UGT1A8: variants seen among roughly 807,000 people sequenced by gnomAD.
UGT1A8 encodes UDP glucuronosyltransferase family 1 member A8.
UGT1A8 carries 39 observed loss-of-function variants against 45.3 expected under a neutral mutation model. That is an observed-to-expected ratio of 0.86 (90% CI 0.67 to 1.12). UGT1A8 has a LOEUF of 1.12. Among genes scored for constraint, UGT1A8 ranks in the 50% most tolerant of loss-of-function variants. The probability of loss-of-function intolerance (pLI) is 0.00; values close to 1 mark genes in which losing one functional copy is unlikely to be tolerated. For synonymous variants in UGT1A8, 275 were observed against 249.2 expected (o/e 1.10, Z -0.97); for missense variants, 719 against 664.9 (o/e 1.08, Z -0.90).
intron 1 of UGT1A8, among the ~76,000 whole-genome samples, chr2:233,621,111 A>T (rs896375831): frequency 2.0e-5 from 3 of 152,198 alleles, no homozygotes; most frequent in Non-Finnish European, 2.9e-5. Flanking sequence ...ACTTTAACAA[A>T]GATGGCAGAT....
At chr2:233,648,370 G>A in intron 1 of UGT1A8, 1 of 378,806 alleles carries the variant, frequency 2.6e-6, no homozygotes, top group South Asian at 3.0e-5. Flanking sequence ...CCTTGAAGAA[G>A]GTGCACAGTG....
intron 1 of UGT1A8, among the ~76,000 whole-genome samples, chr2:233,702,018 GAC>G (rs2075665639): frequency 6.6e-6 from 1 of 151,686 alleles, no homozygotes. Context: ...AGGAAATAGA[GAC>G]ACAAAAAAAA....
intron 1 of UGT1A8, among the ~76,000 whole-genome samples, chr2:233,625,116 A>C (rs1415302996): frequency 1.3e-5 from 2 of 152,260 alleles, no homozygotes; most frequent in Admixed American, 6.6e-5. Context: ...TATTAGTATT[A>C]TATCCTGTAT....
In UGT1A8 at chr2:233,744,132, C is replaced by G. The variant is rs576185082; in HGVS notation, c.856-22902C>G. The G allele has an allele frequency of 6.1e-4, 215 of 354,750 alleles. 4 individuals are homozygous for G. The highest frequency in any genetic ancestry group is 4.3e-3 in the African/African-American group (200 of 46,340). 22.0% of individuals were successfully genotyped at this position (354,750 alleles called of 1,614,324 possible). A position where few individuals can be genotyped will look rare whatever the true frequency, so the allele number is the denominator to read the frequency against. On this transcript the variant is annotated intron_variant, in intron 1 of 4. Transcript: ENST00000373450. ...CTGCTCTCTGTGAGGCTCTGTGAGGCCCTGTGATGCTCCAAGACCAGGCCC... is the reference window on the plus strand; with the variant it reads ...CTGCTCTCTGTGAGGCTCTGTGAGGGCCTGTGATGCTCCAAGACCAGGCCC...
At chr2:233,706,910 C>G (rs1427558668) in intron 1 of UGT1A8, among the ~76,000 whole-genome samples, 1 of 152,188 alleles carries the variant, frequency 6.6e-6, no homozygotes. Flanking sequence ...ACAATCCTAG[C>G]TGCCAGAGTA....
chr2:233,682,125 G>A, intron 1 of UGT1A8: 1 of 1,614,208 alleles, frequency 6.2e-7, no homozygotes, highest in East Asian at 2.2e-5. Context: ...CCAGAGGTGA[G>A]TTGGCAACTG....
intron 1 of UGT1A8, among the ~76,000 whole-genome samples, chr2:233,745,719 G>A (rs946550839): frequency 2.7e-5 from 4 of 150,636 alleles, no homozygotes; most frequent in African/African-American, 5.0e-5. Flanking sequence ...CAGAATGGCT[G>A]GAGGGTAAGA....
intron 1 of UGT1A8, among the ~76,000 whole-genome samples, chr2:233,687,916 TAAATC>T (rs1183373351): frequency 6.6e-6 from 1 of 152,136 alleles, no homozygotes; most frequent in African/African-American, 2.4e-5. Flanking sequence ...TCAAAATAAA[TAAATC>T]AATAAATACA....
At chr2:233,754,798 C>G (rs781516183) in intron 1 of UGT1A8, 1 of 1,247,746 alleles carries the variant, frequency 8.0e-7, no homozygotes, top group East Asian at 5.0e-5. Context: ...AATCCTGTAT[C>G]AAAAGAAGAA....
intron 1 of UGT1A8, among the ~76,000 whole-genome samples, chr2:233,746,724 T>G (rs1380174241): frequency 1.3e-5 from 2 of 151,818 alleles, no homozygotes; most frequent in Non-Finnish European, 2.9e-5. Flanking sequence ...GAATTAGCAA[T>G]GGATTCTGCT....
At chr2:233,680,822 A>G (rs1407196023) in intron 1 of UGT1A8, among the ~76,000 whole-genome samples, 2 of 152,166 alleles carry the variant, frequency 1.3e-5, no homozygotes, top group Non-Finnish European at 2.9e-5. Context: ...TCTGTTCAGA[A>G]TGCAGAAGCA....
intron 1 of UGT1A8, among the ~76,000 whole-genome samples, chr2:233,664,622 G>C (rs1330343143): frequency 2.0e-5 from 3 of 152,152 alleles, no homozygotes; most frequent in Non-Finnish European, 2.9e-5. Context: ...AGAGTTGGTG[G>C]GGGAGGTCCA....
At chr2:233,626,958 C>T (rs1216470319) in intron 1 of UGT1A8, among the ~76,000 whole-genome samples, 1 of 152,034 alleles carries the variant, frequency 6.6e-6, no homozygotes, top group Non-Finnish European at 1.5e-5. Flanking sequence ...TTCTTGTTGT[C>T]TAGGCCTTCT....
intron 1 of UGT1A8, chr2:233,747,421 AAC>A: frequency 1.9e-6 from 3 of 1,607,992 alleles, no homozygotes; most frequent in Non-Finnish European, 2.6e-6. Flanking sequence ...ATGCACATCA[AAC>A]AAGAGAAATT....
rs1699515943 is a variant in UGT1A8 at position 233,767,916 on chromosome 2, T to A, written c.1055T>A (p.Leu352Gln). The A allele has an allele frequency of 6.2e-7, 1 of 1,614,242 alleles. No homozygotes were observed. Among genetic ancestry groups the A allele is most frequent in the Non-Finnish European group, 8.5e-7 (1 of 1,180,052 alleles). The stretch of plus-strand genomic sequence containing the variant: ...AACAACACGATACTTGTTAAGTGGC[T>A]ACCCCAAAACGATCTGCTTGGTATG... ...LANNTILVKW[L>Q]PQNDLLGHPM... The change falls in exon 3 of 5, where the codon CTA becomes CAA. Residue 352 changes from leucine (L) to glutamine (Q), a missense_variant. By Grantham distance (113) the Leu-to-Gln change is moderately radical. Coordinates refer to ENST00000373450, the MANE Select transcript of UGT1A8 (RefSeq NM_019076.5).
In UGT1A8 at chr2:233,698,281, T is replaced by C. The variant is rs77422463; in HGVS notation, c.856-68753T>C. Among the ~76,000 whole-genome samples the C allele has an allele frequency of 8.3e-4, 127 of 152,242 alleles. 1 individual carries two copies. In the East Asian group the frequency reaches 0.023, roughly 28 times the overall value. On this transcript the variant is annotated intron_variant, in intron 1 of 4. Coordinates refer to ENST00000373450, the MANE Select transcript of UGT1A8 (RefSeq NM_019076.5). ...CAATAATCAAACCATTTCAACACTA[T>C]GAAAAAAAATGTGTCTTTGGACAGA...
At position 233,747,349 on chromosome 2, in the gene UGT1A8, A is replaced by C. The variant is rs546536456; in HGVS notation, c.856-19685A>C. ...TGGCAGCCACTGGCTCGCATGCGGG[A>C]GGCCGTGCGGGAGCTCCATGCCAGA... On this transcript the variant is annotated intron_variant, in intron 1 of 4. Transcript: ENST00000373450. The C allele has an allele frequency of 4.2e-5, 68 of 1,603,008 alleles. 1 individual carries two copies. The South Asian group carries it at 6.8e-4, about 16-fold the overall frequency.
At chr2:233,758,822 C>G (rs1559405165) in intron 1 of UGT1A8, among the ~76,000 whole-genome samples, 1 of 152,138 alleles carries the variant, frequency 6.6e-6, no homozygotes, top group Admixed American at 6.5e-5. Context: ...AGTATATCCC[C>G]CCCAAAAAGA....
At chr2:233,755,745 G>A (rs1342193963) in intron 1 of UGT1A8, 2 of 152,826 alleles carry the variant, frequency 1.3e-5, no homozygotes, top group Non-Finnish European at 2.9e-5. Context: ...TTCCAGCCCC[G>A]GTGCCCATTT....
Sources: allele counts gnomAD v4.1 joint callset (sites outside exome capture counted in the v4.1 genomes callset), GRCh38; gene constraint gnomAD v4.1.1; transcripts MANE v1.5; gene names NCBI Gene and HGNC (gene_info 2026-07-23, HGNC 2026-07-21).